The following DCAF8L2 variants were observed in gnomAD, a reference collection of about 807,000 sequenced individuals.
The protein encoded by DCAF8L2 is DDB1- and CUL4-associated factor 8-like protein 2.
For synonymous variants in DCAF8L2, 200 were observed against 190.9 expected (o/e 1.05, Z -0.39); for missense variants, 430 against 490.7 (o/e 0.88, Z 1.17).
the DCAF8L2 span, among the ~76,000 whole-genome samples, chrX:27,537,129 TA>T: frequency 8.9e-6 from 1 of 111,784 alleles, no homozygotes; most frequent in Non-Finnish European, 1.9e-5. Flanking sequence ...ACTGAACATA[TA>T]AAAAATGAAT....
chrX:27,483,297 T>G, the DCAF8L2 span, among the ~76,000 whole-genome samples: 1 of 111,225 alleles, frequency 9.0e-6, no homozygotes, highest in Non-Finnish European at 1.9e-5. Context: ...AACATGTACA[T>G]GGGCCTGGAA....
At chrX:27,516,327 A>AT in the DCAF8L2 span, among the ~76,000 whole-genome samples, 1 of 111,527 alleles carries the variant, frequency 9.0e-6, no homozygotes, top group Non-Finnish European at 1.9e-5. Context: ...AAATTTAAGT[A>AT]TTTTTAGTTA....
At chrX:27,654,581 GA>G (rs1929279853) in intron 2 of DCAF8L2, among the ~76,000 whole-genome samples, 1 of 111,818 alleles carries the variant, frequency 8.9e-6, no homozygotes, top group African/African-American at 3.2e-5. Context: ...TTTCTTCGTG[GA>G]AACAAGACAG....
intron 2 of DCAF8L2, among the ~76,000 whole-genome samples, chrX:27,650,835 AAT>A (rs1450295661): frequency 1.5e-5 from 1 of 67,931 alleles, no homozygotes; most frequent in Admixed American, 1.4e-4. Flanking sequence ...TATTATGTTG[AAT>A]ATGAGTGGTG....
chrX:27,545,754 A>G, the DCAF8L2 span, among the ~76,000 whole-genome samples: 1 of 111,846 alleles, frequency 8.9e-6, no homozygotes, highest in South Asian at 3.7e-4. Flanking sequence ...ATGGCTGGGG[A>G]AGCCTCAGGA....
Position 27,748,430 on chromosome X carries a change from G to A in DCAF8L2, c.1535G>A (p.Arg512Lys). 3 of 1,205,763 alleles carry A rather than the reference G, an allele frequency of 2.5e-6. No homozygotes were observed. Among genetic ancestry groups the A allele is most frequent in the Non-Finnish European group, 3.4e-6 (3 of 891,992 alleles). Residue 512 changes from arginine to lysine, a missense_variant, in exon 5 of 5, where the codon AGA becomes AAA. By Grantham distance (26) the Arg-to-Lys change is conservative. Coordinates refer to ENST00000451261, the MANE Select transcript of DCAF8L2 (RefSeq NM_001353450.2). ...ATCATCCAGTTCCTAAAGGGGAGCA[G>A]AGAAGGTACAATAAACTGTCTTGAA... ...CQIIQFLKGS[R>K]EGTINCLEPH... is the part of the protein sequence containing the mutation.
chrX:27,576,206 T>C, the DCAF8L2 span, among the ~76,000 whole-genome samples: 1 of 112,098 alleles, frequency 8.9e-6, no homozygotes, highest in African/African-American at 3.2e-5. Context: ...TTCAAAAATA[T>C]ATAACGTATT....
chrX:27,631,236 G>A (rs1408690271), intron 1 of DCAF8L2, among the ~76,000 whole-genome samples: 1 of 111,351 alleles, frequency 9.0e-6, no homozygotes, highest in Non-Finnish European at 1.9e-5. Context: ...GGTATAGAAG[G>A]AATGTACTTC....
At chrX:27,528,137 TATTAA>T in the DCAF8L2 span, among the ~76,000 whole-genome samples, 4 of 104,940 alleles carry the variant, frequency 3.8e-5, no homozygotes, top group Admixed American at 3.2e-4. Context: ...ATAATTAAAT[TATTAA>T]ATTGTGGTTC....
chrX:27,501,559 A>G, the DCAF8L2 span, among the ~76,000 whole-genome samples: 8 of 111,468 alleles, frequency 7.2e-5, no homozygotes, highest in Non-Finnish European at 1.3e-4. Context: ...TAGGTGTCCA[A>G]GTAGCTGATT....
the DCAF8L2 span, among the ~76,000 whole-genome samples, chrX:27,533,549 ATAAT>A: frequency 8.9e-6 from 1 of 112,201 alleles, no homozygotes; most frequent in African/African-American, 3.2e-5. Context: ...CTTTCACCAA[ATAAT>A]TAATGTTAAC....
the DCAF8L2 span, among the ~76,000 whole-genome samples, chrX:27,513,015 A>G: frequency 9.0e-6 from 1 of 111,067 alleles, no homozygotes; most frequent in African/African-American, 3.3e-5. Context: ...TCTTCAATAA[A>G]TGGTGCTGGG....
chrX:27,530,523 C>G, the DCAF8L2 span, among the ~76,000 whole-genome samples: 1 of 111,068 alleles, frequency 9.0e-6, no homozygotes, highest in Non-Finnish European at 1.9e-5. Context: ...TGCACGTCAT[C>G]TGGTGTAGTG....
the DCAF8L2 span, among the ~76,000 whole-genome samples, chrX:27,563,618 T>C: frequency 1.8e-5 from 2 of 112,444 alleles, no homozygotes; most frequent in African/African-American, 6.5e-5. Context: ...TAATACAATA[T>C]GCTCTTTGAA....
At chrX:27,740,342 A>C (rs901295438) in intron 4 of DCAF8L2, among the ~76,000 whole-genome samples, 38 of 111,518 alleles carry the variant, frequency 3.4e-4, no homozygotes, top group Non-Finnish European at 5.6e-5. Flanking sequence ...TTAATTTCTC[A>C]CCTGGATTAG....
chrX:27,547,889 CTT>C, the DCAF8L2 span, among the ~76,000 whole-genome samples: 17 of 65,700 alleles, frequency 2.6e-4, 1 homozygote, highest in Non-Finnish European at 4.7e-4. Context: ...CTCTCTCTCT[CTT>C]TCTCTCTCTC....
At chrX:27,621,652 T>A (rs1026477594) in intron 1 of DCAF8L2, among the ~76,000 whole-genome samples, 4 of 111,356 alleles carry the variant, frequency 3.6e-5, no homozygotes, top group South Asian at 7.5e-4. Flanking sequence ...CCATACAGCG[T>A]GTATAAGATA....
chrX:27,522,690 G>A, the DCAF8L2 span, among the ~76,000 whole-genome samples: 1 of 112,082 alleles, frequency 8.9e-6, no homozygotes, highest in South Asian at 3.7e-4. Context: ...GTGCTTCTGT[G>A]ACTGGTTTAT....
chrX:27,523,415 T>A, the DCAF8L2 span, among the ~76,000 whole-genome samples: 1 of 79,328 alleles, frequency 1.3e-5, no homozygotes, highest in Non-Finnish European at 2.5e-5. Context: ...ACTGAGTGTG[T>A]GTGTGTGTGT....
Sources: allele counts gnomAD v4.1 joint callset (sites outside exome capture counted in the v4.1 genomes callset), GRCh38; gene constraint gnomAD v4.1.1; transcripts MANE v1.5; gene names NCBI Gene and HGNC (gene_info 2026-07-23, HGNC 2026-07-21).